The following RBM12 variants were observed in gnomAD, a reference collection of about 807,000 sequenced individuals.
The protein encoded by RBM12 is RNA-binding protein 12.
Under a neutral mutation model 37.2 loss-of-function variants are expected in RBM12, and 24 were observed. That is an observed-to-expected ratio of 0.65 (90% confidence interval 0.47 to 0.91). The LOEUF (loss-of-function observed/expected upper bound fraction) is 0.91, where lower values mean the gene tolerates loss of function less well. RBM12 is among the 40% of genes least tolerant of loss of function. RBM12 has a pLI of 0.00. For missense variants in RBM12, 1,061 were observed against 1,183.2 expected (o/e 0.90, Z 1.52); for synonymous variants, 420 against 425.2 (o/e 0.99, Z 0.15).
chr20:35,655,429 T>C (rs1403420942), intron 2 of RBM12, 85 bp from the exon 3 acceptor site: 1 of 1,170,514 alleles, frequency 8.5e-7, no homozygotes, highest in Non-Finnish European at 1.2e-6. Flanking sequence ...AGCTACCATA[T>C]TAGGCCCTCA....
At position 35,654,751 on chromosome 20, in the gene RBM12, G is replaced by A. The variant is rs756989297; in HGVS notation, c.572C>T (p.Pro191Leu). 4 of 1,613,718 alleles carry A rather than the reference G, an allele frequency of 2.5e-6. No homozygotes were observed. The highest frequency in any genetic ancestry group is 1.3e-5 in the African/African-American group (1 of 74,910). The change falls in exon 3 of 3, where the codon CCT (proline) becomes CTT (leucine). Residue 191 changes from proline to leucine, a missense_variant. Pro to Leu is a moderately conservative substitution (Grantham distance 98, BLOSUM62 -3). Transcript: ENST00000374114. ...CAGAGATGGCATCGCTGGAATTGGA[G>A]GAATTGGTGGCGGCGGGACTGTGTT... Reference protein sequence around the residue: ...PMNTVPPPPIPPIPAMPSLPP... With the variant: ...PMNTVPPPPILPIPAMPSLPP...
Position 35,653,575 on chromosome 20 carries a change from T to C in RBM12, c.1748A>G (p.Gln583Arg). Reference protein sequence around the residue: ...AVHVLVDNNGQGLGQALVQFK... With the variant: ...AVHVLVDNNGRGLGQALVQFK... ...CTGAACCAATGCCTGTCCTAGACCT[T>C]GCCCATTGTTATCAACAAGAACATG... The change falls in exon 3 of 3, where the codon CAA becomes CGA. Residue 583 changes from glutamine (Q) to arginine (R), a missense_variant. Coordinates refer to ENST00000374114, the MANE Select transcript of RBM12 (RefSeq NM_006047.6). 1 of 1,614,234 alleles carries C rather than the reference T, an allele frequency of 6.2e-7. No individual in the cohort carries two copies. The highest frequency in any genetic ancestry group is 2.2e-5 in the East Asian group (1 of 44,890).
In RBM12 at chr20:35,655,147, C is replaced by G. The variant is rs750472475; in HGVS notation, c.176G>C (p.Arg59Pro). The change falls in exon 3 of 3, where the codon CGC becomes CCC. Residue 59 changes from arginine (R) to proline (P), a missense_variant. Physicochemically the swap from Arg to Pro is moderately radical, Grantham distance 103. Coordinates refer to ENST00000374114, the MANE Select transcript of RBM12 (RefSeq NM_006047.6). Reference protein sequence around the residue: ...TDEDARLGMMRTGGTIKGSKV... With the variant: ...TDEDARLGMMPTGGTIKGSKV... ...TGACCCTTTAATTGTACCACCTGTGCGCATCATACCAAGCCTTGCATCTTC... is the reference window on the plus strand; with the variant it reads ...TGACCCTTTAATTGTACCACCTGTGGGCATCATACCAAGCCTTGCATCTTC... The G allele has an allele frequency of 1.2e-6, 2 of 1,614,020 alleles. No homozygotes were observed. The highest frequency in any genetic ancestry group is 2.7e-5 in the African/African-American group (2 of 74,898).
intron 1 of RBM12, among the ~76,000 whole-genome samples, chr20:35,664,000 C>G (rs1461427452): frequency 1.3e-5 from 2 of 152,198 alleles, no homozygotes; most frequent in Non-Finnish European, 2.9e-5. Context: ...TCACAGCAGC[C>G]CCTTCCCTAC....
At chr20:35,659,608 G>T (rs2034118150) in intron 1 of RBM12, among the ~76,000 whole-genome samples, 1 of 152,086 alleles carries the variant, frequency 6.6e-6, no homozygotes, top group Non-Finnish European at 1.5e-5. Flanking sequence ...AATATTAAGG[G>T]AAAGTGTTTT....
At chr20:35,662,919 T>G (rs1200313824) in intron 1 of RBM12, among the ~76,000 whole-genome samples, 1 of 152,248 alleles carries the variant, frequency 6.6e-6, no homozygotes, top group Non-Finnish European at 1.5e-5. Context: ...CTAACAGATT[T>G]GAACATAAAG....
At position 35,658,802 on chromosome 20, in the gene RBM12, AACACAC is replaced by A. The variant is rs10542710; in HGVS notation, c.-23+122_-23+127del. The A allele has an allele frequency of 5.0e-3, 2,360 of 470,558 alleles. 6 individuals are homozygous for A. The highest frequency in any genetic ancestry group is 0.013 in the East Asian group (338 of 25,292). 29.1% of individuals were successfully genotyped at this position (470,558 alleles called of 1,614,324 possible). A position where few individuals can be genotyped will look rare whatever the true frequency, so the allele number is the denominator to read the frequency against. Reference sequence around the variant, plus strand: ...TCAAAACAAAAAACAAGCAAACAAAAACACACACACACACACACACACACACACACA... The same window carrying A: ...TCAAAACAAAAAACAAGCAAACAAAAACACACACACACACACACACACACA... On this transcript the variant is annotated intron_variant, in intron 2 of 2. Transcript: ENST00000374114.
Position 35,654,503 on chromosome 20 carries a change from G to T in RBM12, c.820C>A (p.Pro274Thr), listed in dbSNP as rs866809243. ...GGATTCAACGGACCAAGAAACATAG[G>T]ATTCAGATTATTGTTCAAATTCATA... ...APMNLNNNLN[P>T]MFLGPLNPVN... Residue 274 changes from proline (P) to threonine (T), a missense_variant, in exon 3 of 3, where the codon CCT becomes ACT. By Grantham distance (38) the Pro-to-Thr change is conservative (BLOSUM62 -1). Around this residue, in one of 3 missense-constraint regions of RBM12, gnomAD observed 540 missense variants for 632.7 expected, o/e 0.85. Transcript: ENST00000374114. The T allele has an allele frequency of 3.7e-6, 6 of 1,614,190 alleles. No individual in the cohort carries two copies. The East Asian group carries it at 1.3e-4, about 36-fold the overall frequency.
chr20:35,659,512 C>T (rs1416336784), intron 1 of RBM12, among the ~76,000 whole-genome samples: 1 of 152,134 alleles, frequency 6.6e-6, no homozygotes, highest in Non-Finnish European at 1.5e-5. Flanking sequence ...TTATTTTGCA[C>T]AAAATAGCAT....
At chr20:35,660,416 TTA>T (rs2146376475) in intron 1 of RBM12, among the ~76,000 whole-genome samples, 1 of 152,208 alleles carries the variant, frequency 6.6e-6, no homozygotes, top group African/African-American at 2.4e-5. Context: ...AGGGGTTTCA[TTA>T]TGTTACCCAG....
At position 35,649,954 on chromosome 20, in the gene RBM12, AAAT is replaced by A. The variant is rs1335879251; in HGVS notation, c.*2567_*2569del. 1.3e-5 allele frequency: 2 copies of A among 152,606 alleles called. No individual in the cohort carries two copies. Among genetic ancestry groups the A allele is most frequent in the Non-Finnish European group, 2.9e-5 (2 of 68,014 alleles). The allele number at this position is 152,606 out of a possible 1,614,324, so 9.5% of individuals were successfully genotyped here. On this transcript the variant is annotated 3_prime_UTR_variant, in exon 3 of 3. Transcript: ENST00000374114. ...TTCATACCATACAAAGCAAATGAGA[AAAT>A]AATGTCAATTCATTTCTACCCCAAA...
Position 35,654,235 on chromosome 20 carries a change from T to A in RBM12, c.1088A>T (p.Asn363Ile). ...ATAGCGTTGAATCATCAGCATTCTG[T>A]TTCGTTTCAAAGCTTCAAATGTATC... ...PQDTFEALKR[N>I]RMLMIQRYVE... Residue 363 changes from asparagine (N) to isoleucine (I), a missense_variant, in exon 3 of 3, where the codon AAC becomes ATC. Asn to Ile is a moderately radical substitution (Grantham distance 149). This residue lies in a region of RBM12 where 540 missense variants were observed against 632.7 expected (regional missense o/e 0.85). Transcript: ENST00000374114. 1 of 1,614,234 alleles carries A rather than the reference T, an allele frequency of 6.2e-7. No homozygotes were observed. The highest frequency in any genetic ancestry group is 8.5e-7 in the Non-Finnish European group (1 of 1,180,036).
chr20:35,655,382 T>C (rs1242610995), intron 2 of RBM12, 38 bp from the exon 3 acceptor site: 1 of 1,492,696 alleles, frequency 6.7e-7, no homozygotes, highest in Non-Finnish European at 9.0e-7. Context: ...GTCAGACTCC[T>C]GTTTATCACA....
chr20:35,651,340 C>CA lies in RBM12; in HGVS notation c.*1183dup, dbSNP rs946838265. ...AAGAGTATGAAAGGGTCAAGAATCT[C>CA]AATTTTCTCCTCTGGCGGCTGCACT... On this transcript the variant is annotated 3_prime_UTR_variant, in exon 3 of 3. Coordinates refer to ENST00000374114, the MANE Select transcript of RBM12 (RefSeq NM_006047.6). 1.1e-4 allele frequency: 16 copies of CA among 152,316 alleles called. No homozygotes were observed. Among genetic ancestry groups the CA allele is most frequent in the African/African-American group, 3.8e-4 (16 of 41,578 alleles). 9.4% of individuals were successfully genotyped at this position (152,316 alleles called of 1,614,324 possible). A position where few individuals can be genotyped will look rare whatever the true frequency, so the allele number is the denominator to read the frequency against.
chr20:35,660,860 T>C (rs1000539674), intron 1 of RBM12, among the ~76,000 whole-genome samples: 1 of 152,152 alleles, frequency 6.6e-6, no homozygotes, highest in African/African-American at 2.4e-5. Context: ...CGTATGTCTA[T>C]CTTGAGAAGG....
chr20:35,653,954 C>T lies in RBM12; in HGVS notation c.1369G>A (p.Glu457Lys). 6.2e-7 allele frequency: 1 copy of T among 1,614,148 alleles called. No individual in the cohort carries two copies. The highest frequency in any genetic ancestry group is 8.5e-7 in the Non-Finnish European group (1 of 1,180,014). ...IDFFKKLDIV[E>K]DSIYIAYGPN... ...CCATAAGCTATATAAATACTATCTT[C>T]CACAATATCCAGCTTTTTAAAAAAA... The change falls in exon 3 of 3, where the codon GAA becomes AAA. Residue 457 changes from glutamate to lysine, a missense_variant. Transcript: ENST00000374114.
intron 1 of RBM12, among the ~76,000 whole-genome samples, chr20:35,660,822 C>T (rs1338064021): frequency 6.6e-6 from 1 of 152,168 alleles, no homozygotes; most frequent in Non-Finnish European, 1.5e-5. Context: ...TTCCTCTCAG[C>T]CTCTTCCCTT....
rs1314150708 is a variant in RBM12, at chr20:35,650,005, G to A, written c.*2519C>T. 2 of 152,530 alleles carry A rather than the reference G, an allele frequency of 1.3e-5. No homozygotes were observed. Among genetic ancestry groups the A allele is most frequent in the African/African-American group, 2.4e-5 (1 of 41,416 alleles). 9.4% of individuals were successfully genotyped at this position (152,530 alleles called of 1,614,324 possible). ...AAACCTAGTTCTTAGGAGAAAATTC[G>A]CAGGAAGAGAGGTATGAGTAGTTTC... is the stretch of plus-strand genomic sequence containing the variant. On this transcript the variant is annotated 3_prime_UTR_variant, in exon 3 of 3. Coordinates refer to ENST00000374114, the MANE Select transcript of RBM12 (RefSeq NM_006047.6).
intron 1 of RBM12, among the ~76,000 whole-genome samples, chr20:35,659,600 T>TTAA (rs1446870886): frequency 5.3e-5 from 8 of 152,296 alleles, no homozygotes; most frequent in African/African-American, 1.7e-4. Context: ...ATTAACAAAA[T>TTAA]ATTAAGGGAA....
Sources: allele counts gnomAD v4.1 joint callset (sites outside exome capture counted in the v4.1 genomes callset), GRCh38; gene constraint gnomAD v4.1.1; regional missense constraint gnomAD v4.1.1; transcripts MANE v1.5; gene names NCBI Gene and HGNC (gene_info 2026-07-23, HGNC 2026-07-21).